The following NTMT1 variants were observed in gnomAD, a reference collection of about 807,000 sequenced individuals.
NTMT1 encodes the protein N-terminal RCC1 methyltransferase.
A neutral mutation model predicts 17.5 loss-of-function variants in NTMT1; 8 were observed. The observed-to-expected ratio is 0.46, with a 90% CI of 0.27 to 0.82. The LOEUF (loss-of-function observed/expected upper bound fraction) is 0.82. Ranked by LOEUF, NTMT1 falls within the 40% of genes least tolerant of loss-of-function variation. NTMT1 has a pLI of 0.15. For missense variants in NTMT1, 221 were observed against 303.5 expected (o/e 0.73, Z 2.02); for synonymous variants, 128 against 126.8 (o/e 1.01, Z -0.06).
chr9:129,628,341 G>A lies in NTMT1; in HGVS notation c.-55+2046G>A, dbSNP rs150164038. ...GTCAAAGTCAGGCTTGCTATTTCCCGGCCAGGATGTGCCTCCCCTGGCTTG... is the reference window on the plus strand; with the variant it reads ...GTCAAAGTCAGGCTTGCTATTTCCCAGCCAGGATGTGCCTCCCCTGGCTTG... On this transcript the variant is annotated intron_variant, in intron 1 of 3. Coordinates refer to ENST00000372483, the MANE Select transcript of NTMT1 (RefSeq NM_014064.4). Among the ~76,000 whole-genome samples the A allele has an allele frequency of 1.5e-3, 227 of 152,310 alleles. 3 individuals are homozygous for A. The highest frequency in any genetic ancestry group is 4.8e-3 in the African/African-American group (199 of 41,564).
intron 1 of NTMT1, among the ~76,000 whole-genome samples, chr9:129,628,185 G>C (rs1406212782): frequency 6.6e-6 from 1 of 152,188 alleles, no homozygotes; most frequent in East Asian, 1.9e-4. Flanking sequence ...GCTGTTGGCT[G>C]ACTGACCTTG....
At chr9:129,612,987 G>T in intron 1 of NTMT1, 1 of 1,287,980 alleles carries the variant, frequency 7.8e-7, no homozygotes, top group Non-Finnish European at 1.1e-6. Context: ...ACGGTGACTT[G>T]GCTCTCAGGG....
At position 129,615,295 on chromosome 9, in the gene NTMT1, C is replaced by G. The variant is rs370677822; in HGVS notation, c.-55+6117C>G. On this transcript the variant is annotated intron_variant, in intron 1 of 3. Coordinates refer to the NTMT1 transcript ENST00000372486. ...ACACCTCCACTGGACTCTGGACCCTCTACTTGGTCTTCGAAGGTCAACCTG... is the reference window on the plus strand; with the variant it reads ...ACACCTCCACTGGACTCTGGACCCTGTACTTGGTCTTCGAAGGTCAACCTG... Among the ~76,000 whole-genome samples, 11 of 152,334 alleles carry G rather than the reference C, an allele frequency of 7.2e-5. No individual in the cohort carries two copies. In the East Asian group the frequency reaches 2.1e-3, roughly 29 times the overall value.
intron 1 of NTMT1, chr9:129,615,704 C>T (rs926869474): frequency 1.4e-5 from 21 of 1,466,418 alleles, no homozygotes; most frequent in South Asian, 2.8e-5. Context: ...CCAGCACACA[C>T]GCACCAGCCC....
rs968336638 is a variant in NTMT1, at chr9:129,613,556, C to T, written c.-55+4378C>T. 6.2e-7 allele frequency: 1 copy of T among 1,614,188 alleles called. No homozygotes were observed. On this transcript the variant is annotated intron_variant, in intron 1 of 3. Coordinates refer to the NTMT1 transcript ENST00000372486. The surrounding 1 kb of genome is among the most constrained non-coding windows in gnomAD (Gnocchi z 6.2). The stretch of plus-strand genomic sequence containing the variant: ...CTCCCAAACACCCGCTCGGACGCCA[C>T]TGGCAGGGCGGCCTTCTGGTTCACA...
chr9:129,622,159 C>G (rs1297837912), upstream of NTMT1, among the ~76,000 whole-genome samples: 1 of 152,170 alleles, frequency 6.6e-6, no homozygotes, highest in Non-Finnish European at 1.5e-5. Flanking sequence ...GTAGAACTTC[C>G]ACCCCAAGAC....
chr9:129,634,533 T>C (rs1163694557), intron 3 of NTMT1: 1 of 469,032 alleles, frequency 2.1e-6, no homozygotes, highest in South Asian at 4.6e-5. Context: ...GAATACCTGC[T>C]ACCATCCATT....
At position 129,613,241 on chromosome 9, in the gene NTMT1, T is replaced by C; in HGVS notation, c.-55+4063T>C. 1 of 1,608,234 alleles carries C rather than the reference T, an allele frequency of 6.2e-7. No homozygotes were observed. ...TCCTCAGAAAGGTAGCCCTGTGTCT[T>C]CTGGGTGGACCTGGGGGAGACAGGA... On this transcript the variant is annotated intron_variant, in intron 1 of 3. Coordinates refer to the NTMT1 transcript ENST00000372486. This position sits in a 1 kb window ranked among gnomAD's most constrained non-coding sequence, Gnocchi z 6.2.
In NTMT1 at chr9:129,614,075, C is replaced by G. The variant is rs751083908; in HGVS notation, c.-55+4897C>G. Among the ~76,000 whole-genome samples the G allele has an allele frequency of 2.0e-5, 3 of 152,162 alleles. No individual in the cohort carries two copies. Among genetic ancestry groups the G allele is most frequent in the Non-Finnish European group, 2.9e-5 (2 of 68,022 alleles). On this transcript the variant is annotated intron_variant, in intron 1 of 3. Coordinates refer to the NTMT1 transcript ENST00000372486. This position sits in a 1 kb window ranked among gnomAD's most constrained non-coding sequence, Gnocchi z 4.4. ...CACGTCTCCTGGGCACCCTGCTGCC[C>G]GGGACACCATGATAGCTCCTTATGG... is the stretch of plus-strand genomic sequence containing the variant.
At chr9:129,612,480 G>A (rs1391033019) in intron 1 of NTMT1, 1 of 1,589,642 alleles carries the variant, frequency 6.3e-7, no homozygotes, top group Admixed American at 1.7e-5. Flanking sequence ...GGACCAGCTG[G>A]CTGCTACCAG....
Position 129,614,784 on chromosome 9 carries a change from C to T in NTMT1, c.-55+5606C>T, listed in dbSNP as rs544860982. Among the ~76,000 whole-genome samples, 2 of 152,212 alleles carry T rather than the reference C, an allele frequency of 1.3e-5. No individual in the cohort carries two copies. The highest frequency in any genetic ancestry group is 6.5e-5 in the Admixed American group (1 of 15,288). The stretch of plus-strand genomic sequence containing the variant: ...AGGGGCGGTGGCGCATGCCTGTAAT[C>T]CCAGGTACTCAGGAGGCTGAGGCAG... On this transcript the variant is annotated intron_variant, in intron 1 of 3. Transcript: ENST00000372486. The surrounding 1 kb of genome is among the most constrained non-coding windows in gnomAD (Gnocchi z 4.4).
intron 1 of NTMT1, among the ~76,000 whole-genome samples, chr9:129,630,901 CA>C (rs1342071903): frequency 6.6e-6 from 1 of 152,248 alleles, no homozygotes; most frequent in Non-Finnish European, 1.5e-5. Flanking sequence ...TCAGCACGGC[CA>C]CTGCCATTCT....
At position 129,636,084 on chromosome 9, in the gene NTMT1, A is replaced by G. The variant is rs573166243; in HGVS notation, c.*620A>G. ...TGAGGCTGCTCCTTGGCAGGCATTT[A>G]AAGTAAAAAATAAAATGGGGCTGGG... is the stretch of plus-strand genomic sequence containing the variant. On this transcript the variant is annotated 3_prime_UTR_variant, in exon 4 of 4. Coordinates refer to ENST00000372483, the MANE Select transcript of NTMT1 (RefSeq NM_014064.4). The G allele has an allele frequency of 1.3e-5, 2 of 152,460 alleles. No homozygotes were observed. Among genetic ancestry groups the G allele is most frequent in the South Asian group, 4.1e-4 (2 of 4,838 alleles). The allele number at this position is 152,460 out of a possible 1,614,324, so 9.4% of individuals were successfully genotyped here. A position where few individuals can be genotyped will look rare whatever the true frequency, so the allele number is the denominator to read the frequency against.
chr9:129,629,552 T>A (rs148296823), intron 1 of NTMT1, among the ~76,000 whole-genome samples: 2 of 152,256 alleles, frequency 1.3e-5, no homozygotes, highest in African/African-American at 2.4e-5. Flanking sequence ...TTGACAGAGA[T>A]GGGGTTTCTG....
rs1830207785 is a variant in NTMT1, at chr9:129,613,778, GAC to G, written c.-55+4601_-55+4602del. ...CTTGGGTTTTAAAACCACCTTGCGT[GAC>G]CATTTCTGTTATACCCAAGCTGTGC... On this transcript the variant is annotated intron_variant, in intron 1 of 3. Transcript: ENST00000372486. The surrounding 1 kb of genome is among the most constrained non-coding windows in gnomAD (Gnocchi z 6.2). Among the ~76,000 whole-genome samples, 1 of 152,206 alleles carries G rather than the reference GAC, an allele frequency of 6.6e-6. No individual in the cohort carries two copies. The highest frequency in any genetic ancestry group is 1.5e-5 in the Non-Finnish European group (1 of 68,034).
chr9:129,612,241 A>G, intron 1 of NTMT1: 2 of 889,418 alleles, frequency 2.2e-6, no homozygotes, highest in Admixed American at 4.3e-5. Context: ...TGTGACACCT[A>G]CTGGCAGGTC....
At chr9:129,615,573 G>A in intron 1 of NTMT1, 2 of 1,608,688 alleles carry the variant, frequency 1.2e-6, no homozygotes, top group Non-Finnish European at 1.7e-6. Context: ...CTGCCTGCAG[G>A]GCCTAGAGCC....
rs3213763 is a variant in NTMT1, at chr9:129,613,543, C to G, written c.-55+4365C>G. 5.0e-6 allele frequency: 8 copies of G among 1,614,062 alleles called. No homozygotes were observed. The East Asian group carries it at 1.8e-4, about 36-fold the overall frequency. On this transcript the variant is annotated intron_variant, in intron 1 of 3. Coordinates refer to the NTMT1 transcript ENST00000372486. The surrounding 1 kb of genome is among the most constrained non-coding windows in gnomAD (Gnocchi z 6.2). ...CCGTTTTCCGACACTCCCAAACACCCGCTCGGACGCCACTGGCAGGGCGGC... is the reference window on the plus strand; with the variant it reads ...CCGTTTTCCGACACTCCCAAACACCGGCTCGGACGCCACTGGCAGGGCGGC...
chr9:129,623,041 A>T (rs1490330034), upstream of NTMT1, among the ~76,000 whole-genome samples: 2 of 150,544 alleles, frequency 1.3e-5, no homozygotes, highest in Non-Finnish European at 3.0e-5. Context: ...TAAAAAAAAA[A>T]AGAAAGAAAG....
Sources: allele counts gnomAD v4.1 joint callset (sites outside exome capture counted in the v4.1 genomes callset), GRCh38; gene constraint gnomAD v4.1.1; non-coding constraint Gnocchi (gnomAD v3.1); transcripts MANE v1.5; gene names NCBI Gene and HGNC (gene_info 2026-07-23, HGNC 2026-07-21).